RNFT2: variants seen among roughly 807,000 people sequenced by gnomAD.
RNFT2 encodes the protein E3 ubiquitin-protein ligase RNFT2.
A neutral mutation model predicts 53.0 loss-of-function variants in RNFT2; 36 were observed. That is an observed-to-expected ratio of 0.68 (90% CI 0.52 to 0.90). RNFT2 has a LOEUF of 0.90. Ranked by LOEUF, RNFT2 falls within the 40% of genes least tolerant of loss-of-function variation. The probability of loss-of-function intolerance (pLI) is 0.00; values close to 1 mark genes in which losing one functional copy is unlikely to be tolerated. For missense variants in RNFT2, 514 were observed against 585.6 expected (o/e 0.88, Z 1.26); for synonymous variants, 260 against 253.2 (o/e 1.03, Z -0.26).
intron 4 of RNFT2, among the ~76,000 whole-genome samples, chr12:116,750,881 T>TTATATATATATAATATATATATTA (rs1207792122): frequency 2.5e-4 from 23 of 93,032 alleles, no homozygotes; most frequent in South Asian, 9.6e-4. Flanking sequence ...AATATATATA[T>TTATATATATATAATATATATATTA]TATATATATA....
intron 1 of RNFT2, among the ~76,000 whole-genome samples, chr12:116,739,919 A>G (rs944047301): frequency 1.3e-5 from 2 of 152,196 alleles, no homozygotes; most frequent in South Asian, 2.1e-4. Context: ...AAGAGTTTCA[A>G]AGAGGGCCGG....
At chr12:116,756,011 T>C (rs576200828) in intron 5 of RNFT2, 4 of 624,312 alleles carry the variant, frequency 6.4e-6, no homozygotes, top group African/African-American at 5.5e-5. Flanking sequence ...TGCCTCCAGC[T>C]TTTTCTTTTT....
chr12:116,765,419 G>C (rs976576753), intron 5 of RNFT2, among the ~76,000 whole-genome samples: 1 of 152,162 alleles, frequency 6.6e-6, no homozygotes, highest in African/African-American at 2.4e-5. Context: ...ATAACAGTGC[G>C]TGGGGCACTG....
chr12:116,813,878 C>A (rs1875508615), intron 7 of RNFT2, among the ~76,000 whole-genome samples: 2 of 152,136 alleles, frequency 1.3e-5, no homozygotes, highest in African/African-American at 4.8e-5. Context: ...GAGTCAGTAG[C>A]CTTCTCTAAG....
At chr12:116,828,681 G>GA (rs1433593355) in intron 7 of RNFT2, among the ~76,000 whole-genome samples, 1 of 152,036 alleles carries the variant, frequency 6.6e-6, no homozygotes, top group African/African-American at 2.4e-5. Flanking sequence ...GCAAGGAAGA[G>GA]AGGGAGGGAG....
intron 8 of RNFT2, among the ~76,000 whole-genome samples, chr12:116,834,555 C>G (rs763374541): frequency 2.0e-5 from 3 of 152,202 alleles, no homozygotes; most frequent in Non-Finnish European, 4.4e-5. Context: ...AGTCACTCCC[C>G]ATTCTTCCAA....
At chr12:116,776,788 T>G (rs1873447901) in intron 6 of RNFT2, among the ~76,000 whole-genome samples, 1 of 151,916 alleles carries the variant, frequency 6.6e-6, no homozygotes, top group African/African-American at 2.4e-5. Flanking sequence ...TGTAATCCAG[T>G]GGGAAGAAAG....
intron 6 of RNFT2, among the ~76,000 whole-genome samples, chr12:116,776,025 A>G (rs1873415102): frequency 6.6e-6 from 1 of 152,118 alleles, no homozygotes. Context: ...CCTGGGCAAC[A>G]GAGCGAGACT....
intron 7 of RNFT2, chr12:116,782,273 C>G (rs1396548378): frequency 1.3e-5 from 2 of 151,656 alleles, no homozygotes; most frequent in Admixed American, 1.3e-4. Flanking sequence ...AATCCCAGCA[C>G]TTTGGGAGGC....
intron 7 of RNFT2, among the ~76,000 whole-genome samples, chr12:116,829,443 CTTTGGGAA>C (rs1257748806): frequency 6.6e-6 from 1 of 152,104 alleles, no homozygotes; most frequent in African/African-American, 2.4e-5. Context: ...AAGGAGGGCC[CTTTGGGAA>C]ACAATGGCCT....
chr12:116,823,439 T>G (rs1876158026), intron 7 of RNFT2, among the ~76,000 whole-genome samples: 1 of 152,204 alleles, frequency 6.6e-6, no homozygotes, highest in African/African-American at 2.4e-5. Flanking sequence ...ATCCCAGCAC[T>G]TTAGGAGGCC....
chr12:116,752,464 G>A (rs181065920), intron 4 of RNFT2, among the ~76,000 whole-genome samples: 1 of 152,212 alleles, frequency 6.6e-6, no homozygotes, highest in East Asian at 1.9e-4. Context: ...TTTAATCAAA[G>A]AGAAGAGTAC....
At chr12:116,756,772 T>C (rs1170223340) in intron 5 of RNFT2, among the ~76,000 whole-genome samples, 1 of 152,188 alleles carries the variant, frequency 6.6e-6, no homozygotes, top group African/African-American at 2.4e-5. Context: ...TCATCAAGGA[T>C]ATCCATCTGT....
chr12:116,758,676 G>A (rs1257756700), intron 5 of RNFT2, among the ~76,000 whole-genome samples: 1 of 152,212 alleles, frequency 6.6e-6, no homozygotes, highest in African/African-American at 2.4e-5. Flanking sequence ...TGAGGAGGCT[G>A]AAGATAGGGC....
chr12:116,799,342 C>T (rs971546228), intron 7 of RNFT2, among the ~76,000 whole-genome samples: 1 of 152,234 alleles, frequency 6.6e-6, no homozygotes, highest in African/African-American at 2.4e-5. Context: ...AAATTAGACT[C>T]ACTGGGACAG....
intron 5 of RNFT2, among the ~76,000 whole-genome samples, chr12:116,765,725 A>G (rs557674907): frequency 6.6e-6 from 1 of 152,334 alleles, no homozygotes; most frequent in Non-Finnish European, 1.5e-5. Context: ...GGGACTAGAC[A>G]GGAATGAGGC....
chr12:116,780,348 G>A (rs1386642692), intron 7 of RNFT2, among the ~76,000 whole-genome samples: 3 of 152,124 alleles, frequency 2.0e-5, no homozygotes, highest in African/African-American at 7.2e-5. Flanking sequence ...AGATCATCAG[G>A]CATTGGATTC....
intron 10 of RNFT2, among the ~76,000 whole-genome samples, chr12:116,845,041 G>C (rs750962680): frequency 3.0e-4 from 46 of 151,996 alleles, no homozygotes; most frequent in Middle Eastern, 3.4e-3. Flanking sequence ...CCAGGAGTTT[G>C]AGACCAGCCT....
At chr12:116,797,729 G>A (rs190686949) in intron 7 of RNFT2, among the ~76,000 whole-genome samples, 3,116 of 150,120 alleles carry the variant, frequency 0.021, 116 homozygotes, top group African/African-American at 0.071. Context: ...TTACAGCACC[G>A]TGACTACTCC....
Sources: allele counts gnomAD v4.1 joint callset (sites outside exome capture counted in the v4.1 genomes callset), GRCh38; gene constraint gnomAD v4.1.1; transcripts MANE v1.5; gene names NCBI Gene and HGNC (gene_info 2026-07-23, HGNC 2026-07-21).